PHACTR3: variants seen among roughly 807,000 people sequenced by gnomAD.
PHACTR3 encodes the protein protein phosphatase 1, regulatory subunit 123.
In PHACTR3, 16 loss-of-function variants were observed where a neutral mutation model predicts 66.8. The ratio of observed to expected loss-of-function variants is 0.24; its 90% CI spans 0.16 to 0.36. The LOEUF (loss-of-function observed/expected upper bound fraction) is 0.36. Ranked by LOEUF, PHACTR3 falls within the 10% of genes least tolerant of loss-of-function variation. The probability of loss-of-function intolerance (pLI) is 1.00; values close to 1 mark genes in which losing one functional copy is unlikely to be tolerated. For missense variants in PHACTR3, 647 were observed against 719.9 expected (o/e 0.90, Z 1.16); for synonymous variants, 323 against 292.1 (o/e 1.11, Z -1.08).
chr20:59,814,123 C>T (rs575368354), intron 8 of PHACTR3, among the ~76,000 whole-genome samples: 85 of 152,264 alleles, frequency 5.6e-4, no homozygotes, highest in Non-Finnish European at 5.0e-4. Context: ...GAGAAGCAGC[C>T]AGGGCTCCCT....
intron 1 of PHACTR3, among the ~76,000 whole-genome samples, chr20:59,645,945 G>A (rs1433831466): frequency 6.6e-6 from 1 of 152,048 alleles, no homozygotes; most frequent in Non-Finnish European, 1.5e-5. Flanking sequence ...CCCTCTGCTG[G>A]TCACTATCAT....
chr20:59,628,282 G>C (rs1208435773), intron 1 of PHACTR3: 1 of 152,204 alleles, frequency 6.6e-6, no homozygotes, highest in Non-Finnish European at 1.5e-5. Flanking sequence ...TGTGTGCTGG[G>C]GAAGAATGGG....
chr20:59,675,265 C>A (rs2036416537), intron 1 of PHACTR3, among the ~76,000 whole-genome samples: 1 of 151,570 alleles, frequency 6.6e-6, no homozygotes, highest in South Asian at 2.1e-4. Flanking sequence ...CTTTGGGTAG[C>A]TCTCTTAGCT....
chr20:59,754,720 G>T (rs376158430), intron 3 of PHACTR3, among the ~76,000 whole-genome samples: 94 of 152,328 alleles, frequency 6.2e-4, no homozygotes, highest in African/African-American at 1.6e-3. Flanking sequence ...CCAGCCAGCT[G>T]CTGGGCATGT....
At chr20:59,686,459 A>G (rs1027655740) in intron 1 of PHACTR3, among the ~76,000 whole-genome samples, 1 of 152,202 alleles carries the variant, frequency 6.6e-6, no homozygotes, top group African/African-American at 2.4e-5. Flanking sequence ...ATTTCCATGT[A>G]AATGTGAGCT....
chr20:59,811,991 G>C (rs1397952156), intron 8 of PHACTR3, among the ~76,000 whole-genome samples: 1 of 150,578 alleles, frequency 6.6e-6, no homozygotes, highest in African/African-American at 2.4e-5. Flanking sequence ...TCACAGTCAA[G>C]GCTGGATGCA....
intron 8 of PHACTR3, among the ~76,000 whole-genome samples, chr20:59,810,176 G>A (rs2041693374): frequency 6.6e-6 from 1 of 152,232 alleles, no homozygotes; most frequent in Non-Finnish European, 1.5e-5. Flanking sequence ...AGAGATGCCT[G>A]GGGTCCCCAC....
chr20:59,719,130 T>A (rs2038198922), intron 1 of PHACTR3, among the ~76,000 whole-genome samples: 1 of 152,206 alleles, frequency 6.6e-6, no homozygotes, highest in African/African-American at 2.4e-5. Flanking sequence ...GCTGCTAAAC[T>A]GCATGCTGGG....
At chr20:59,623,587 C>G (rs998526848) in intron 1 of PHACTR3, among the ~76,000 whole-genome samples, 3 of 152,134 alleles carry the variant, frequency 2.0e-5, no homozygotes, top group African/African-American at 7.2e-5. Context: ...ACACGCTAGC[C>G]CCTGTTCTGT....
intron 1 of PHACTR3, among the ~76,000 whole-genome samples, chr20:59,716,974 T>C (rs1232051648): frequency 6.6e-6 from 1 of 152,204 alleles, no homozygotes; most frequent in African/African-American, 2.4e-5. Flanking sequence ...CTGGGTGCTC[T>C]CTTAGTGTTA....
At chr20:59,588,389 C>G (rs957526116) in intron 1 of PHACTR3, among the ~76,000 whole-genome samples, 1 of 152,138 alleles carries the variant, frequency 6.6e-6, no homozygotes, top group African/African-American at 2.4e-5. Flanking sequence ...TCTCCCTGTC[C>G]GATGCAGCAG....
chr20:59,635,149 T>TTCTTTTTCTTTCTTTCTTTCCTTCC (rs1555881160), intron 1 of PHACTR3, among the ~76,000 whole-genome samples: 3 of 60,410 alleles, frequency 5.0e-5, no homozygotes, highest in East Asian at 7.4e-4. Context: ...CTTTCTTTCT[T>TTCTTTTTCTTTCTTTCTTTCCTTCC]TTTCTTTCTT....
intron 1 of PHACTR3, among the ~76,000 whole-genome samples, chr20:59,598,545 T>G (rs1229686102): frequency 2.0e-5 from 3 of 152,158 alleles, no homozygotes; most frequent in Non-Finnish European, 2.9e-5. Context: ...CCACATTTTT[T>G]CAGGGCGACT....
chr20:59,723,906 T>C (rs1003219807), intron 1 of PHACTR3, among the ~76,000 whole-genome samples: 2 of 152,094 alleles, frequency 1.3e-5, no homozygotes, highest in African/African-American at 4.8e-5. Context: ...AATCACTGTA[T>C]GGTGACTCGA....
In PHACTR3 at chr20:59,748,633, C is replaced by T. The variant is rs527541124; in HGVS notation, c.358+798C>T. On this transcript the variant is annotated intron_variant, in intron 3 of 12. Coordinates refer to ENST00000371015, the MANE Select transcript of PHACTR3 (RefSeq NM_080672.5). ...CAGGACTTAGATGCTGACACTAGCC[C>T]TTGGTGCCTTCCGGTTCCCTGAGAG... Among the ~76,000 whole-genome samples the T allele has an allele frequency of 4.1e-4, 62 of 152,254 alleles. 1 individual carries two copies. The highest frequency in any genetic ancestry group is 3.4e-3 in the Middle Eastern group (1 of 294).
intron 1 of PHACTR3, among the ~76,000 whole-genome samples, chr20:59,741,031 C>T (rs943059138): frequency 3.3e-5 from 5 of 152,244 alleles, no homozygotes; most frequent in African/African-American, 1.2e-4. Context: ...TCCCCGGCCC[C>T]TTGGACACTG....
chr20:59,716,730 G>A (rs528237139), intron 1 of PHACTR3, among the ~76,000 whole-genome samples: 2 of 152,244 alleles, frequency 1.3e-5, no homozygotes, highest in South Asian at 4.2e-4. Context: ...TTGTTTTAAT[G>A]TCATTTGTTG....
chr20:59,665,690 C>G (rs1047107458), intron 1 of PHACTR3, among the ~76,000 whole-genome samples: 5 of 151,904 alleles, frequency 3.3e-5, no homozygotes, highest in Non-Finnish European at 7.4e-5. Flanking sequence ...CTTGGAGAAG[C>G]CTGCAGAGGG....
chr20:59,603,715 A>G (rs1311193899), upstream of PHACTR3: 2 of 151,878 alleles, frequency 1.3e-5, no homozygotes, highest in Non-Finnish European at 2.9e-5. Context: ...GTCCTCCCCC[A>G]GGTGTCTCTG....
Sources: gnomAD v4.1 joint callset for allele counts (sites outside exome capture counted in the v4.1 genomes callset) on GRCh38, gnomAD v4.1.1 for gene constraint, MANE v1.5 for transcripts, NCBI Gene and HGNC (gene_info 2026-07-23, HGNC 2026-07-21) for gene names.